The following AGAP1 variants were observed in gnomAD, a reference collection of about 807,000 sequenced individuals.
The protein encoded by AGAP1 is ArfGAP with GTPase domain, ankyrin repeat and PH domain 1.
A neutral mutation model predicts 105.3 loss-of-function variants in AGAP1; 29 were observed. The observed-to-expected ratio is 0.28, with a 90% confidence interval of 0.21 to 0.38. The LOEUF is 0.38. Among genes scored for constraint, AGAP1 ranks in the 10% least tolerant of loss-of-function variants. The pLI, the probability that AGAP1 is intolerant of heterozygous loss-of-function variation, is 1.00. For missense variants in AGAP1, 998 were observed against 1,165.1 expected (o/e 0.86, Z 2.09); for synonymous variants, 509 against 485.9 (o/e 1.05, Z -0.63).
Position 235,908,814 on chromosome 2 carries a change from C to G in AGAP1, c.1232C>G (p.Pro411Arg). The stretch of plus-strand genomic sequence containing the variant: ...GTGAAAGTCCCAGGGAAGAGGCCAC[C>G]CCGAGCCACGTCAGCCTGCGCACCC... ...TTVKVPGKRP[P>R]RATSACAPIS... The change falls in exon 11 of 18, where the codon CCC (proline) becomes CGC (arginine). Residue 411 changes from proline (P) to arginine (R), a missense_variant. Coordinates refer to ENST00000304032, the MANE Select transcript of AGAP1 (RefSeq NM_001037131.3). The surrounding 1 kb of genome is among the most constrained non-coding windows in gnomAD (Gnocchi z 4.4). 6.2e-7 allele frequency: 1 copy of G among 1,613,948 alleles called. No individual in the cohort carries two copies.
intron 13 of AGAP1, among the ~76,000 whole-genome samples, chr2:235,975,345 G>GT (rs1033198375): frequency 6.6e-5 from 10 of 151,914 alleles, no homozygotes; most frequent in Non-Finnish European, 7.4e-5. Context: ...GTACAGTGTT[G>GT]TTTTTTTTCT....
chr2:235,500,986 A>G (rs58767183), intron 1 of AGAP1, among the ~76,000 whole-genome samples: 138 of 152,166 alleles, frequency 9.1e-4, no homozygotes, highest in African/African-American at 3.3e-3. Flanking sequence ...CAACCTTAAC[A>G]CCAATCAAAG....
At chr2:235,784,306 C>T (rs996275243) in intron 6 of AGAP1, among the ~76,000 whole-genome samples, 2 of 152,114 alleles carry the variant, frequency 1.3e-5, no homozygotes, top group African/African-American at 2.4e-5. Context: ...AAAAGGCATA[C>T]ATGATTCTTT....
chr2:235,874,535 C>T lies in AGAP1; in HGVS notation c.1051-8810C>T, dbSNP rs2049613422. 6.6e-6 allele frequency among the ~76,000 whole-genome samples: 1 copy of T among 152,212 alleles called. No individual in the cohort carries two copies. Among genetic ancestry groups the T allele is most frequent in the Admixed American group, 6.5e-5 (1 of 15,282 alleles). ...TCACCTAGGCAGAGCAACCGAAGTG[C>T]ACTTTGCAGGGAGCTAAGAGGCTCG... is the stretch of plus-strand genomic sequence containing the variant. On this transcript the variant is annotated intron_variant, in intron 9 of 17. Coordinates refer to ENST00000304032, the MANE Select transcript of AGAP1 (RefSeq NM_001037131.3). This position sits in a 1 kb window ranked among gnomAD's most constrained non-coding sequence, Gnocchi z 4.5.
rs953517752 is a variant in AGAP1, at chr2:235,931,028, G to A, written c.1483+105G>A. 27 of 1,313,332 alleles carry A rather than the reference G, an allele frequency of 2.1e-5. No individual in the cohort carries two copies. Among genetic ancestry groups the A allele is most frequent in the African/African-American group, 6.0e-5 (4 of 67,012 alleles). 81.4% of individuals were successfully genotyped at this position (1,313,332 alleles called of 1,614,324 possible). On this transcript the variant is annotated intron_variant, in intron 12 of 17. Transcript: ENST00000304032. This position sits in a 1 kb window ranked among gnomAD's most constrained non-coding sequence, Gnocchi z 5.6. ...TAAGCTCTCATGCTCCTCTGGGAGC[G>A]CAGCACCCTGTGGGGCGGCTGCATC... is the stretch of plus-strand genomic sequence containing the variant.
At chr2:236,068,080 C>G (rs769684415) in intron 16 of AGAP1, among the ~76,000 whole-genome samples, 1 of 152,008 alleles carries the variant, frequency 6.6e-6, no homozygotes, top group Non-Finnish European at 1.5e-5. Context: ...GAGACCAGCC[C>G]GGCCAACATG....
intron 13 of AGAP1, among the ~76,000 whole-genome samples, chr2:235,975,584 C>T (rs2054826637): frequency 6.6e-6 from 1 of 152,148 alleles, no homozygotes; most frequent in South Asian, 2.1e-4. Context: ...AATTAGTGTG[C>T]ACATGACGGT....
Position 235,552,757 on chromosome 2 carries a change from A to G in AGAP1, c.163+57908A>G, listed in dbSNP as rs552198420. Among the ~76,000 whole-genome samples, 13 of 152,308 alleles carry G rather than the reference A, an allele frequency of 8.5e-5. No homozygotes were observed. The South Asian group carries it at 2.3e-3, about 27-fold the overall frequency. ...GAAGAGTGAGGAGAGAGCAGTGGCC[A>G]AAGTGGAGAGAGTTGAGTTTCAGAA... On this transcript the variant is annotated intron_variant, in intron 1 of 17. Transcript: ENST00000304032. The surrounding 1 kb of genome is among the most constrained non-coding windows in gnomAD (Gnocchi z 5.9).
chr2:235,589,186 A>ATT (rs1559270688), intron 1 of AGAP1, among the ~76,000 whole-genome samples: 49 of 35,098 alleles, frequency 1.4e-3, no homozygotes, highest in Non-Finnish European at 2.1e-3. Flanking sequence ...TTAATAGCTT[A>ATT]TTGTTTTGTT....
chr2:235,671,446 A>T (rs963781173), intron 1 of AGAP1, among the ~76,000 whole-genome samples: 1 of 152,228 alleles, frequency 6.6e-6, no homozygotes, highest in East Asian at 1.9e-4. Flanking sequence ...GCCGCCGCAC[A>T]GGTGCGGCTG....
chr2:235,987,902 G>A (rs1329826525), intron 13 of AGAP1, among the ~76,000 whole-genome samples: 1 of 152,114 alleles, frequency 6.6e-6, no homozygotes, highest in South Asian at 2.1e-4. Flanking sequence ...AGAAGCTCCT[G>A]TAATTAGGCT....
At chr2:236,117,424 A>G (rs2059796914) in intron 16 of AGAP1, among the ~76,000 whole-genome samples, 1 of 152,238 alleles carries the variant, frequency 6.6e-6, no homozygotes, top group Admixed American at 6.5e-5. Flanking sequence ...GAATCACTCC[A>G]GCAGTTCCCG....
Position 236,014,774 on chromosome 2 carries a change from C to T in AGAP1, c.1646-21787C>T, listed in dbSNP as rs746334101. 22 of 413,904 alleles carry T rather than the reference C, an allele frequency of 5.3e-5. No individual in the cohort carries two copies. The highest frequency in any genetic ancestry group is 8.7e-5 in the Non-Finnish European group (18 of 206,516). The allele number at this position is 413,904 out of a possible 1,614,324, so 25.6% of individuals were successfully genotyped here. ...TTTCCTTTTTGTTTTCTCTCTTTTT[C>T]CCCTCTCCCCTTTCTGCTCTCGGGA... is the stretch of plus-strand genomic sequence containing the variant. On this transcript the variant is annotated intron_variant, in intron 13 of 17. Transcript: ENST00000304032. The surrounding 1 kb of genome is among the most constrained non-coding windows in gnomAD (Gnocchi z 6.3).
chr2:235,766,221 A>G (rs982804458), intron 6 of AGAP1, among the ~76,000 whole-genome samples: 2 of 152,226 alleles, frequency 1.3e-5, no homozygotes, highest in African/African-American at 4.8e-5. Flanking sequence ...ACGATAACAC[A>G]TCGATTATTT....
chr2:235,885,770 G>A (rs550169811), intron 10 of AGAP1, among the ~76,000 whole-genome samples: 2 of 152,192 alleles, frequency 1.3e-5, no homozygotes, highest in South Asian at 2.1e-4. Flanking sequence ...GTCTTCCGTC[G>A]GCATCTCTCA....
chr2:235,697,268 C>G (rs1445545387), intron 1 of AGAP1, among the ~76,000 whole-genome samples: 1 of 152,184 alleles, frequency 6.6e-6, no homozygotes, highest in African/African-American at 2.4e-5. Context: ...AAAAGCTGCC[C>G]AGGCGTTCCA....
chr2:235,563,848 G>A (rs1035373591), intron 1 of AGAP1, among the ~76,000 whole-genome samples: 3 of 152,150 alleles, frequency 2.0e-5, no homozygotes, highest in Non-Finnish European at 4.4e-5. Context: ...CCCCTTTGAA[G>A]TGGTCTTGTT....
chr2:236,056,160 T>C lies in AGAP1; in HGVS notation c.2114+6879T>C, dbSNP rs573032659. 1.5e-4 allele frequency among the ~76,000 whole-genome samples: 23 copies of C among 152,216 alleles called. No individual in the cohort carries two copies. In the East Asian group the frequency reaches 3.5e-3, roughly 23 times the overall value. On this transcript the variant is annotated intron_variant, in intron 16 of 17. Transcript: ENST00000304032. This position sits in a 1 kb window ranked among gnomAD's most constrained non-coding sequence, Gnocchi z 4.6. ...TAAGAAGATTCTCCATGAGGTTAAG[T>C]ATAATGGGATCTGCTTTTTCAAGGA...
At chr2:235,987,205 G>A (rs1395898141) in intron 13 of AGAP1, among the ~76,000 whole-genome samples, 1 of 151,564 alleles carries the variant, frequency 6.6e-6, no homozygotes, top group Admixed American at 6.6e-5. Context: ...TCAGGGATTT[G>A]ACTTCTTCCT....
Sources: gnomAD v4.1 joint callset for allele counts (sites outside exome capture counted in the v4.1 genomes callset) on GRCh38, gnomAD v4.1.1 for gene constraint, Gnocchi (gnomAD v3.1) non-coding constraint, MANE v1.5 for transcripts, NCBI Gene and HGNC (gene_info 2026-07-23, HGNC 2026-07-21) for gene names.